MTMR8: variants seen among roughly 807,000 people sequenced by gnomAD.
MTMR8 encodes phosphatidylinositol-3,5-bisphosphate 3-phosphatase MTMR8.
MTMR8 carries 65 observed loss-of-function variants against 39.3 expected under a neutral mutation model. The ratio of observed to expected loss-of-function variants is 1.65; its 90% CI spans 1.35 to 2.03. The LOEUF is 2.03. Among genes scored for constraint, MTMR8 ranks in the 30% most tolerant of loss-of-function variants. MTMR8 has a pLI of 0.00. For synonymous variants in MTMR8, 245 were observed against 185.2 expected (o/e 1.32, Z -2.62); for missense variants, 777 against 538.9 (o/e 1.44, Z -4.37).
intron 12 of MTMR8, among the ~76,000 whole-genome samples, chrX:64,320,793 G>A (rs1219517541): frequency 3.6e-5 from 4 of 111,609 alleles, no homozygotes; most frequent in African/African-American, 1.3e-4. Flanking sequence ...TTCACCTGTG[G>A]CTTACTTTTA....
intron 1 of MTMR8, among the ~76,000 whole-genome samples, chrX:64,390,360 T>C (rs1602162033): frequency 8.9e-6 from 1 of 112,548 alleles, no homozygotes; most frequent in Non-Finnish European, 1.9e-5. Context: ...TTATTATTAC[T>C]ATCCAGGATA....
At chrX:64,284,738 A>G (rs1921091950) in intron 12 of MTMR8, among the ~76,000 whole-genome samples, 2 of 111,462 alleles carry the variant, frequency 1.8e-5, no homozygotes, top group African/African-American at 6.6e-5. Context: ...TTCATAAGTG[A>G]AGGAGAAATA....
chrX:64,390,661 T>C lies in MTMR8; in HGVS notation c.24+4679A>G, dbSNP rs772185510. Among the ~76,000 whole-genome samples, 3 of 109,240 alleles carry C rather than the reference T, an allele frequency of 2.7e-5. No individual in the cohort carries two copies. The East Asian group carries it at 8.6e-4, about 31-fold the overall frequency. 94.9% of individuals were successfully genotyped at this position (109,240 alleles called of 115,157 possible). A position where few individuals can be genotyped will look rare whatever the true frequency, so the allele number is the denominator to read the frequency against. On this transcript the variant is annotated intron_variant, in intron 1 of 13. Coordinates refer to ENST00000374852, the MANE Select transcript of MTMR8 (RefSeq NM_017677.4). ...AATTTACATACCATAAAATTCACCC[T>C]TTTTTTTTGAAACAGGATGTCACTC... is the stretch of plus-strand genomic sequence containing the variant.
chrX:64,353,870 T>C (rs1287203832), intron 4 of MTMR8, among the ~76,000 whole-genome samples: 2 of 110,879 alleles, frequency 1.8e-5, no homozygotes, highest in Admixed American at 1.9e-4. Context: ...GAGGCTACAC[T>C]GAGCTATGGT....
At chrX:64,378,494 C>A (rs1924329855) in intron 1 of MTMR8, among the ~76,000 whole-genome samples, 1 of 112,304 alleles carries the variant, frequency 8.9e-6, no homozygotes, top group African/African-American at 3.2e-5. Context: ...ATGCTAGGGT[C>A]TCAGGCATGA....
intron 7 of MTMR8, among the ~76,000 whole-genome samples, chrX:64,344,670 C>A (rs888465808): frequency 4.5e-5 from 5 of 111,300 alleles, no homozygotes; most frequent in Non-Finnish European, 9.4e-5. Context: ...AATCCTTATA[C>A]CAAATTAAAG....
At chrX:64,274,503 G>C (rs1931830393) in intron 12 of MTMR8, among the ~76,000 whole-genome samples, 1 of 111,719 alleles carries the variant, frequency 9.0e-6, no homozygotes, top group Admixed American at 9.5e-5. Context: ...AAATGGTACA[G>C]AGGTTTGACA....
At chrX:64,369,652 A>G (rs889172389) in intron 1 of MTMR8, among the ~76,000 whole-genome samples, 3 of 111,361 alleles carry the variant, frequency 2.7e-5, no homozygotes, top group Non-Finnish European at 5.7e-5. Context: ...ATTAGGAGAA[A>G]TACCTAATGT....
intron 1 of MTMR8, 47 bp from the exon 2 acceptor site, chrX:64,359,574 T>A: frequency 1.7e-6 from 2 of 1,149,018 alleles, no homozygotes; most frequent in East Asian, 6.1e-5. Flanking sequence ...ACTCACCACC[T>A]ATGATTGAAG....
intron 1 of MTMR8, among the ~76,000 whole-genome samples, chrX:64,381,308 C>T (rs372968737): frequency 8.9e-6 from 1 of 111,996 alleles, no homozygotes; most frequent in African/African-American, 3.2e-5. Flanking sequence ...GAGGTGGTAT[C>T]TCATTGTGGT....
At chrX:64,325,739 GCCTA>G (rs1922772761) in intron 12 of MTMR8, among the ~76,000 whole-genome samples, 1 of 112,064 alleles carries the variant, frequency 8.9e-6, no homozygotes, top group African/African-American at 3.2e-5. Flanking sequence ...AGACAACAAT[GCCTA>G]CTTTTACCAC....
Position 64,369,584 on chromosome X carries a change from G to T in MTMR8, c.25-10057C>A, listed in dbSNP as rs191988159. Among the ~76,000 whole-genome samples, 119 of 110,193 alleles carry T rather than the reference G, an allele frequency of 1.1e-3. 1 individual carries two copies. The highest frequency in any genetic ancestry group is 3.5e-3 in the African/African-American group (107 of 30,231). ...AACAATGAGAACACTTGGACACAGT[G>T]CAGTGAGCATCACACATGGGGGCCT... On this transcript the variant is annotated intron_variant, in intron 1 of 13. Transcript: ENST00000374852.
rs766103723 is a variant in MTMR8 at position 64,292,662 on chromosome X, T to C, written c.1482-21589A>G. On this transcript the variant is annotated intron_variant, in intron 12 of 13. Transcript: ENST00000374852. ...CAAAAGAAGAGGGCCACTTCTCTTT[T>C]GGAGCAGAAAATGCATCATCTTTCT... is the stretch of plus-strand genomic sequence containing the variant. Among the ~76,000 whole-genome samples the C allele has an allele frequency of 2.7e-5, 3 of 111,073 alleles. No homozygotes were observed. The South Asian group carries it at 1.2e-3, about 43-fold the overall frequency.
chrX:64,318,033 T>C lies in MTMR8; in HGVS notation c.1481+10739A>G, dbSNP rs182463645. Among the ~76,000 whole-genome samples the C allele has an allele frequency of 2.7e-5, 3 of 112,437 alleles. No individual in the cohort carries two copies. The East Asian group carries it at 8.4e-4, about 32-fold the overall frequency. On this transcript the variant is annotated intron_variant, in intron 12 of 13. Transcript: ENST00000374852. The stretch of plus-strand genomic sequence containing the variant: ...ATGACAACACAGGGCATGGACACAT[T>C]AATGCTAGGTGAAAGTCCAGACTCT...
At chrX:64,360,081 T>G (rs1923739186) in intron 1 of MTMR8, among the ~76,000 whole-genome samples, 1 of 110,205 alleles carries the variant, frequency 9.1e-6, no homozygotes, top group African/African-American at 3.3e-5. Flanking sequence ...AGACACAGAC[T>G]AAAACAAAAG....
At chrX:64,351,287 G>C (rs1010125011) in intron 4 of MTMR8, among the ~76,000 whole-genome samples, 1 of 111,198 alleles carries the variant, frequency 9.0e-6, no homozygotes, top group Non-Finnish European at 1.9e-5. Context: ...ACCCTGCGAA[G>C]TCACAGCTCA....
intron 1 of MTMR8, among the ~76,000 whole-genome samples, chrX:64,373,326 C>T (rs765976445): frequency 4.2e-4 from 47 of 111,437 alleles, no homozygotes; most frequent in Non-Finnish European, 4.0e-4. Flanking sequence ...GATTAGATCA[C>T]GAGGGCAGAT....
At chrX:64,364,045 C>T (rs1161596554) in intron 1 of MTMR8, among the ~76,000 whole-genome samples, 2 of 112,365 alleles carry the variant, frequency 1.8e-5, no homozygotes, top group African/African-American at 6.5e-5. Flanking sequence ...GAGGGGTGTC[C>T]ACCATTGCTG....
chrX:64,294,842 C>T (rs1176642775), intron 12 of MTMR8, among the ~76,000 whole-genome samples: 2 of 111,498 alleles, frequency 1.8e-5, no homozygotes, highest in Non-Finnish European at 3.8e-5. Flanking sequence ...CTCCTAATAC[C>T]ATCACATTGG....
Sources: gnomAD v4.1 joint callset for allele counts (sites outside exome capture counted in the v4.1 genomes callset) on GRCh38, gnomAD v4.1.1 for gene constraint, MANE v1.5 for transcripts, NCBI Gene and HGNC (gene_info 2026-07-23, HGNC 2026-07-21) for gene names.